The following ANO6 variants were observed in gnomAD, a reference collection of about 807,000 sequenced individuals.
The protein encoded by ANO6 is anoctamin 6.
Under a neutral mutation model 117.5 loss-of-function variants are expected in ANO6, and 106 were observed. That is an observed-to-expected ratio of 0.90 (90% CI 0.77 to 1.06). The LOEUF is 1.06. Ranked by LOEUF, ANO6 falls within the 50% of genes least tolerant of loss-of-function variation. ANO6 has a pLI of 0.00. For missense variants in ANO6, 955 were observed against 1,121.1 expected (o/e 0.85, Z 2.12); for synonymous variants, 367 against 385.1 (o/e 0.95, Z 0.55).
chr12:45,252,095 T>C (rs562711724), intron 1 of ANO6, among the ~76,000 whole-genome samples: 22 of 152,316 alleles, frequency 1.4e-4, no homozygotes, highest in African/African-American at 5.1e-4. Context: ...TCCATGAGTT[T>C]TAACATAGAA....
chr12:45,318,011 T>G (rs1940113234), intron 2 of ANO6, among the ~76,000 whole-genome samples: 1 of 152,220 alleles, frequency 6.6e-6, no homozygotes, highest in Admixed American at 6.5e-5. Context: ...TCTTTGTAGA[T>G]TTTGGATATT....
chr12:45,385,765 C>T (rs1942282471), intron 10 of ANO6, among the ~76,000 whole-genome samples: 1 of 152,160 alleles, frequency 6.6e-6, no homozygotes, highest in Non-Finnish European at 1.5e-5. Flanking sequence ...TAGCCATCAC[C>T]CTCTATATAA....
rs1231542752 is a variant in ANO6 at position 45,331,423 on chromosome 12, GGTAA to G, written c.279+3_279+6del. The stretch of plus-strand genomic sequence containing the variant: ...AAAAGGGTACAAATGAAAAACAAAG[GGTAA>G]GTTTTTATGCTATTTTCCTTTCTTT... On this transcript the variant is annotated splice_donor_variant and splice_donor_region_variant and intron_variant, in intron 3 of 19. Transcript: ENST00000320560. LOFTEE classifies it high-confidence loss of function. The G allele has an allele frequency of 6.2e-7, 1 of 1,600,226 alleles. No individual in the cohort carries two copies. The highest frequency in any genetic ancestry group is 2.2e-5 in the East Asian group (1 of 44,458).
At chr12:45,342,650 G>A (rs989554429) in intron 3 of ANO6, among the ~76,000 whole-genome samples, 1 of 152,060 alleles carries the variant, frequency 6.6e-6, no homozygotes, top group Middle Eastern at 3.2e-3. Context: ...AGTTCATTCC[G>A]GCTTAACAGG....
chr12:45,386,263 A>C (rs1204235225), intron 10 of ANO6, among the ~76,000 whole-genome samples: 1 of 152,176 alleles, frequency 6.6e-6, no homozygotes. Context: ...ATTGCCACTT[A>C]AAACAATGAA....
chr12:45,436,302 T>C (rs1943706574), downstream of ANO6, among the ~76,000 whole-genome samples: 1 of 152,180 alleles, frequency 6.6e-6, no homozygotes, highest in Non-Finnish European at 1.5e-5. Context: ...TGCCTTTGAG[T>C]CTCTGTCAAA....
downstream of ANO6, among the ~76,000 whole-genome samples, chr12:45,433,543 G>T (rs530239839): frequency 6.6e-6 from 1 of 152,144 alleles, no homozygotes; most frequent in Non-Finnish European, 1.5e-5. Context: ...AACCTAACAC[G>T]GTGAGTTTTG....
chr12:45,231,165 C>T (rs181903068), intron 1 of ANO6, among the ~76,000 whole-genome samples: 8 of 152,100 alleles, frequency 5.3e-5, no homozygotes, highest in African/African-American at 1.9e-4. Context: ...AATTTTTATT[C>T]CTTAAGTATT....
chr12:45,412,910 A>G (rs1002869488), intron 16 of ANO6, among the ~76,000 whole-genome samples: 2 of 152,204 alleles, frequency 1.3e-5, no homozygotes, highest in Non-Finnish European at 1.5e-5. Context: ...TTAGTTATCT[A>G]AAGTATGGTG....
chr12:45,313,661 A>AC (rs1216482235), intron 2 of ANO6: 1 of 152,004 alleles, frequency 6.6e-6, no homozygotes, highest in Non-Finnish European at 1.5e-5. Context: ...AGCTTTGATG[A>AC]CTTGTGTGCC....
At chr12:45,347,965 A>T in intron 4 of ANO6, 63 bp from the exon 5 acceptor site, 1 of 1,499,330 alleles carries the variant, frequency 6.7e-7, no homozygotes, top group Non-Finnish European at 9.2e-7. Context: ...AGAAAAATCT[A>T]TGTGTTTTAA....
intron 14 of ANO6, 37 bp from the exon 15 acceptor site, chr12:45,403,402 T>A: frequency 6.4e-7 from 1 of 1,569,460 alleles, no homozygotes; most frequent in Non-Finnish European, 8.8e-7. Context: ...TTAGATCCAT[T>A]GAATATTTAA....
At chr12:45,283,231 G>A (rs1265169816) in intron 1 of ANO6, among the ~76,000 whole-genome samples, 1 of 152,244 alleles carries the variant, frequency 6.6e-6, no homozygotes. Flanking sequence ...ATTTCCTAAG[G>A]AGAGGCTTTT....
At chr12:45,320,380 A>T (rs939459527) in intron 2 of ANO6, among the ~76,000 whole-genome samples, 1 of 152,014 alleles carries the variant, frequency 6.6e-6, no homozygotes, top group African/African-American at 2.4e-5. Context: ...TTATGTACCC[A>T]GTAGTCATTC....
intron 1 of ANO6, among the ~76,000 whole-genome samples, chr12:45,223,401 A>T (rs1947434924): frequency 6.6e-6 from 1 of 152,130 alleles, no homozygotes; most frequent in African/African-American, 2.4e-5. Flanking sequence ...GTTGCTGGGG[A>T]GAAATCCTTG....
intron 2 of ANO6, among the ~76,000 whole-genome samples, chr12:45,330,026 G>T (rs568258889): frequency 6.6e-6 from 1 of 152,160 alleles, no homozygotes; most frequent in East Asian, 1.9e-4. Flanking sequence ...GCCCTTTATT[G>T]CCCTGGATAG....
At chr12:45,237,177 C>T (rs912901585) in intron 1 of ANO6, among the ~76,000 whole-genome samples, 1 of 152,138 alleles carries the variant, frequency 6.6e-6, no homozygotes, top group African/African-American at 2.4e-5. Context: ...CTGTAGGTTG[C>T]CTGTTCACTC....
At chr12:45,410,545 G>T (rs2137661642) in intron 16 of ANO6, among the ~76,000 whole-genome samples, 1 of 152,196 alleles carries the variant, frequency 6.6e-6, no homozygotes, top group East Asian at 1.9e-4. Context: ...TTTGTATTAT[G>T]CATGACACGC....
intron 1 of ANO6, among the ~76,000 whole-genome samples, chr12:45,240,243 C>G (rs11182935): frequency 0.12 from 17,844 of 149,640 alleles, 1,517 homozygotes; most frequent in East Asian, 0.3. Flanking sequence ...AGAGTTAGTT[C>G]TTCTTGTTGA....
Sources: allele counts gnomAD v4.1 joint callset (sites outside exome capture counted in the v4.1 genomes callset), GRCh38; gene constraint gnomAD v4.1.1; transcripts MANE v1.5; gene names NCBI Gene and HGNC (gene_info 2026-07-23, HGNC 2026-07-21).